Variants in NLRP14 observed in about 807,000 individuals in gnomAD.
NLRP14 encodes the protein NACHT, LRR and PYD domains-containing protein 14.
A neutral mutation model predicts 94.7 loss-of-function variants in NLRP14; 105 were observed. The ratio of observed to expected loss-of-function variants is 1.11; its 90% CI spans 0.95 to 1.30. NLRP14 has a LOEUF of 1.30. Among genes scored for constraint, NLRP14 ranks in the 50% most tolerant of loss-of-function variants. The pLI is 0.00. For missense variants in NLRP14, 1,362 were observed against 1,254.1 expected (o/e 1.09, Z -1.30); for synonymous variants, 508 against 459.9 (o/e 1.10, Z -1.34).
At chr11:7,083,127 T>A in the NLRP14 span, among the ~76,000 whole-genome samples, 3 of 152,238 alleles carry the variant, frequency 2.0e-5, no homozygotes, top group African/African-American at 7.2e-5. Context: ...CATACCAGCA[T>A]CTTCTCCCAC....
At chr11:7,024,446 G>C (rs1034281571) in intron 1 of NLRP14, among the ~76,000 whole-genome samples, 1 of 152,166 alleles carries the variant, frequency 6.6e-6, no homozygotes, top group African/African-American at 2.4e-5. Flanking sequence ...CCCATATCCT[G>C]GTTTCAGCTA....
rs567985933 is a variant in NLRP14 at position 7,059,589 on chromosome 11, C to T, written c.2634-305C>T. ...TTATTAAGATTACTCTTATTCTACT[C>T]CATCTGCCTGTTCTTCTAGTCCATG... On this transcript the variant is annotated intron_variant, in intron 8 of 11. Transcript: ENST00000299481. 1.1e-4 allele frequency among the ~76,000 whole-genome samples: 17 copies of T among 152,080 alleles called. No individual in the cohort carries two copies. In the South Asian group the frequency reaches 2.9e-3, roughly 26 times the overall value.
At chr11:7,047,758 C>CT (rs1318173154) in intron 5 of NLRP14, among the ~76,000 whole-genome samples, 49 of 84,676 alleles carry the variant, frequency 5.8e-4, no homozygotes, top group African/African-American at 1.9e-3. Flanking sequence ...CTTTCTCTTT[C>CT]TTTTCTTTTC....
rs774009597 is a variant in NLRP14 at position 7,042,438 on chromosome 11, T to C, written c.412T>C (p.Trp138Arg). 3 of 1,613,908 alleles carry C rather than the reference T, an allele frequency of 1.9e-6. No homozygotes were observed. Among genetic ancestry groups the C allele is most frequent in the African/African-American group, 1.3e-5 (1 of 74,934 alleles). ...NRIKEKFCIT[W>R]DKKSLAGKPE... ...AATAAAGGAAAAATTTTGCATCACT[T>C]GGGACAAGAAGTCTTTGGCTGGAAA... Residue 138 changes from tryptophan to arginine, a missense_variant, in exon 4 of 12, where the codon TGG becomes CGG. By Grantham distance (101) the Trp-to-Arg change is moderately radical. Transcript: ENST00000299481.
At chr11:7,089,119 A>G in the NLRP14 span, 5 of 1,613,534 alleles carry the variant, frequency 3.1e-6, no homozygotes, top group Non-Finnish European at 4.2e-6. Context: ...CGACCGGCAA[A>G]CATGGTTGAA....
chr11:7,034,014 T>TA (rs1479983863), intron 1 of NLRP14, among the ~76,000 whole-genome samples: 1 of 152,140 alleles, frequency 6.6e-6, no homozygotes, highest in Admixed American at 6.5e-5. Context: ...GGTTTCTCAC[T>TA]AAAAAGTTTC....
chr11:7,045,717 T>C (rs1033859579), intron 4 of NLRP14, among the ~76,000 whole-genome samples: 4 of 151,952 alleles, frequency 2.6e-5, no homozygotes, highest in Admixed American at 6.6e-5. Context: ...GGCAACACAC[T>C]AGACTTTTAC....
downstream of NLRP14, among the ~76,000 whole-genome samples, chr11:7,074,715 T>G (rs1852852499): frequency 1.3e-5 from 2 of 152,206 alleles, no homozygotes; most frequent in African/African-American, 4.8e-5. Flanking sequence ...CATCAGGATT[T>G]ATTGAGCCAG....
chr11:7,057,901 C>CT (rs1366542393), intron 7 of NLRP14, 54 bp downstream of exon 7: 2 of 1,454,472 alleles, frequency 1.4e-6, no homozygotes, highest in Non-Finnish European at 1.9e-6. Flanking sequence ...TTCTGTGTAG[C>CT]TTAATTGTGA....
intron 1 of NLRP14, among the ~76,000 whole-genome samples, chr11:7,024,358 G>A (rs564104818): frequency 6.6e-6 from 1 of 152,248 alleles, no homozygotes; most frequent in African/African-American, 2.4e-5. Flanking sequence ...TGCCAATATT[G>A]CTTATAGAAA....
chr11:7,032,966 C>G (rs1197082315), intron 1 of NLRP14, among the ~76,000 whole-genome samples: 1 of 152,068 alleles, frequency 6.6e-6, no homozygotes, highest in Non-Finnish European at 1.5e-5. Flanking sequence ...CCCTTCATCC[C>G]CCTCCACCTC....
At chr11:7,051,034 A>G (rs1852434913) in intron 6 of NLRP14, among the ~76,000 whole-genome samples, 1 of 152,236 alleles carries the variant, frequency 6.6e-6, no homozygotes, top group African/African-American at 2.4e-5. Context: ...TTGACAGATC[A>G]GTAGGACTTG....
rs543074353 is a variant in NLRP14, at chr11:7,048,663, G to A, written c.2124-1008G>A. Reference sequence around the variant, plus strand: ...ACAACTAGATGTATGTTATGATTACGGGGTTCCTGGAAGTCCTTTCCACTC... The same window carrying A: ...ACAACTAGATGTATGTTATGATTACAGGGTTCCTGGAAGTCCTTTCCACTC... On this transcript the variant is annotated intron_variant, in intron 5 of 11. Coordinates refer to ENST00000299481, the MANE Select transcript of NLRP14 (RefSeq NM_176822.4). Among the ~76,000 whole-genome samples, 20 of 152,114 alleles carry A rather than the reference G, an allele frequency of 1.3e-4. No homozygotes were observed. The East Asian group carries it at 2.9e-3, about 22-fold the overall frequency.
At chr11:7,068,962 T>G (rs1010202790) in intron 10 of NLRP14, among the ~76,000 whole-genome samples, 3 of 152,198 alleles carry the variant, frequency 2.0e-5, no homozygotes, top group Non-Finnish European at 4.4e-5. Context: ...GCAGTGGCAG[T>G]ATTCTGTATC....
rs772178208 is a variant in NLRP14, at chr11:7,059,908, A to G, written c.2648A>G (p.His883Arg). ...TLKSLVLRRC[H>R]FTSLSSEYLS... ...CCTTCCTGTAGGCTGAGGCGTTGCC[A>G]TTTCACTTCACTTAGCAGTGAATAT... Residue 883 changes from histidine (H) to arginine (R), a missense_variant, in exon 9 of 12, where the codon CAT becomes CGT. His to Arg is a conservative substitution (Grantham distance 29). Coordinates refer to ENST00000299481, the MANE Select transcript of NLRP14 (RefSeq NM_176822.4). 8.7e-6 allele frequency: 14 copies of G among 1,612,336 alleles called. No homozygotes were observed. The highest frequency in any genetic ancestry group is 1.7e-4 in the Middle Eastern group (1 of 6,052).
At chr11:7,042,171 A>G (rs958009178) in intron 3 of NLRP14, among the ~76,000 whole-genome samples, 1 of 151,940 alleles carries the variant, frequency 6.6e-6, no homozygotes, top group Non-Finnish European at 1.5e-5. Context: ...TGCATCATCT[A>G]TTCTGGTTTT....
intron 1 of NLRP14, among the ~76,000 whole-genome samples, chr11:7,025,811 G>T (rs1055968421): frequency 1.2e-5 from 1 of 82,524 alleles, no homozygotes; most frequent in African/African-American, 3.6e-5. Context: ...AATACATGGA[G>T]CTAAATACAT....
the NLRP14 span, among the ~76,000 whole-genome samples, chr11:7,084,320 C>CT: frequency 4.6e-5 from 7 of 152,040 alleles, no homozygotes; most frequent in Non-Finnish European, 8.8e-5. Context: ...TGACACAGGT[C>CT]TTAAAACCTT....
intron 10 of NLRP14, among the ~76,000 whole-genome samples, chr11:7,067,251 A>G (rs1401612459): frequency 6.6e-6 from 1 of 152,220 alleles, no homozygotes; most frequent in East Asian, 1.9e-4. Context: ...AGTCAATAGT[A>G]GCTTGATGGG....
Sources: allele counts gnomAD v4.1 joint callset (sites outside exome capture counted in the v4.1 genomes callset), GRCh38; gene constraint gnomAD v4.1.1; transcripts MANE v1.5; gene names NCBI Gene and HGNC (gene_info 2026-07-23, HGNC 2026-07-21).